The following USP33 variants were observed in gnomAD, a reference collection of about 807,000 sequenced individuals.
USP33 encodes ubiquitin carboxyl-terminal hydrolase 33.
Under a neutral mutation model 124.2 loss-of-function variants are expected in USP33, and 46 were observed. The observed-to-expected ratio is 0.37, with a 90% CI of 0.29 to 0.47. USP33 has a LOEUF of 0.47. Among genes scored for constraint, USP33 ranks in the 20% least tolerant of loss-of-function variants. The probability of loss-of-function intolerance (pLI) is 0.99; values close to 1 mark genes in which losing one functional copy is unlikely to be tolerated. For synonymous variants in USP33, 350 were observed against 352.3 expected, an observed-to-expected ratio of 0.99 and a Z score of 0.07; for missense variants, 851 against 1,070.6, an observed-to-expected ratio of 0.79 and a Z score of 2.86.
At chr1:77,756,184 TCTC>T (rs1014774287) in intron 1 of USP33, among the ~76,000 whole-genome samples, 40 of 152,142 alleles carry the variant, frequency 2.6e-4, no homozygotes, top group African/African-American at 8.7e-4. Context: ...CTCAAGCAAA[TCTC>T]CTGTTTCAGC....
chr1:77,737,450 G>GA (rs1008762511), intron 5 of USP33, among the ~76,000 whole-genome samples: 5 of 152,116 alleles, frequency 3.3e-5, no homozygotes, highest in African/African-American at 1.2e-4. Flanking sequence ...TTACTATCTA[G>GA]AAAAAATGTC....
At chr1:77,739,054 A>G (rs533316019) in intron 5 of USP33, among the ~76,000 whole-genome samples, 1 of 152,308 alleles carries the variant, frequency 6.6e-6, no homozygotes, top group Admixed American at 6.5e-5. Flanking sequence ...ATCTTCAAAC[A>G]GGTGGGCTTC....
chr1:77,739,709 A>G (rs947562000), intron 4 of USP33, among the ~76,000 whole-genome samples: 3 of 152,254 alleles, frequency 2.0e-5, no homozygotes, highest in Non-Finnish European at 2.9e-5. Context: ...ACAAATAAAT[A>G]TAACACAAGA....
chr1:77,743,173 G>A (rs557822004), intron 1 of USP33, among the ~76,000 whole-genome samples: 59 of 151,962 alleles, frequency 3.9e-4, no homozygotes, highest in African/African-American at 8.0e-4. Flanking sequence ...TCGAACTCCC[G>A]ACCTCAGGTG....
rs1174875097 is a variant in USP33 at position 77,722,137 on chromosome 1, G to A, written c.1449C>T (p.Asp483=). 3 of 1,613,838 alleles carry A rather than the reference G, an allele frequency of 1.9e-6. No homozygotes were observed. The highest frequency in any genetic ancestry group is 2.5e-6 in the Non-Finnish European group (3 of 1,179,926). ...GACTTGATGAATGCAGCTTAGCAAG[G>A]TCTTCCTTGCCAGGAATTGGCAAGG... is the stretch of plus-strand genomic sequence containing the variant. ...DLSLPIPGKE[D]LAKLHSSSHP... Residue 483 remains aspartate, a synonymous_variant, in exon 13 of 24, where the codon GAC becomes GAT. Coordinates refer to ENST00000370794, the MANE Select transcript of USP33 (RefSeq NM_201624.3).
intron 13 of USP33, 32 bp downstream of exon 13, chr1:77,721,992 A>C: frequency 6.2e-7 from 1 of 1,605,514 alleles, no homozygotes; most frequent in Non-Finnish European, 8.5e-7. Flanking sequence ...CAGGTTTAAC[A>C]ATCATGTAAT....
chr1:77,711,899 T>C (rs1675305690), intron 20 of USP33, 44 bp from the exon 21 acceptor site: 2 of 1,555,264 alleles, frequency 1.3e-6, no homozygotes, highest in Non-Finnish European at 1.7e-6. Flanking sequence ...AGGAAGTTTG[T>C]TTCTAACATT....
At position 77,718,599 on chromosome 1, in the gene USP33, A is replaced by G. The variant is rs144228665; in HGVS notation, c.1734T>C (p.Pro578=). The change falls in exon 16 of 24, where the codon CCT becomes CCC. Residue 578 remains proline (P), a synonymous_variant. Coordinates refer to ENST00000370794, the MANE Select transcript of USP33 (RefSeq NM_201624.3). ...TGAATTAAAATAATGCCCATACCTC[A>G]GGAAAGTTTTGTACTTTACAAAACT... ...GVKFCKVQNF[P]EILCIHLKRF... 1.7e-5 allele frequency: 27 copies of G among 1,605,406 alleles called. No homozygotes were observed. The highest frequency in any genetic ancestry group is 1.4e-5 in the Non-Finnish European group (17 of 1,173,526).
At chr1:77,732,017 A>C (rs2101484988) in intron 7 of USP33, among the ~76,000 whole-genome samples, 1 of 151,306 alleles carries the variant, frequency 6.6e-6, no homozygotes, top group African/African-American at 2.4e-5. Context: ...GGCAGGAAGA[A>C]CCCTTGAACC....
At position 77,728,479 on chromosome 1, in the gene USP33, CATT is replaced by C. The variant is rs1557844568; in HGVS notation, c.948_950del (p.Met317del). 6.2e-7 allele frequency: 1 copy of C among 1,614,034 alleles called. No individual in the cohort carries two copies. The highest frequency in any genetic ancestry group is 1.1e-5 in the South Asian group (1 of 91,084). On this transcript the variant is annotated inframe_deletion, in exon 10 of 24. Coordinates refer to ENST00000370794, the MANE Select transcript of USP33 (RefSeq NM_201624.3). ...AATTGTTTTCATCATCCTGAATTAA[CATT>C]GTTGTTTCATTATTATCTTCAGAAA...
intron 1 of USP33, among the ~76,000 whole-genome samples, chr1:77,755,617 G>C (rs1422297676): frequency 6.6e-6 from 1 of 152,232 alleles, no homozygotes; most frequent in African/African-American, 2.4e-5. Context: ...AGAACTGCTT[G>C]AACGCAGGAG....
rs190078319 is a variant in USP33 at position 77,723,078 on chromosome 1, A to G, written c.1389+253T>C. On this transcript the variant is annotated intron_variant, in intron 12 of 23. Coordinates refer to ENST00000370794, the MANE Select transcript of USP33 (RefSeq NM_201624.3). ...TTGCTGAGCAACTTCTCACCTTTAT[A>G]TGTAACCAAAATAGATGACGAAGGA... 7.9e-5 allele frequency among the ~76,000 whole-genome samples: 12 copies of G among 152,300 alleles called. No individual in the cohort carries two copies. The East Asian group carries it at 2.3e-3, about 29-fold the overall frequency.
Position 77,718,555 on chromosome 1 carries a change from C to A in USP33, c.1737+41G>T, listed in dbSNP as rs773653429. ...TTTTGTTACATTAATACTTTATGTT[C>A]CTACCACACAATATAAGTTGAATTA... is the stretch of plus-strand genomic sequence containing the variant. On this transcript the variant is annotated intron_variant, in intron 16 of 23. Coordinates refer to ENST00000370794, the MANE Select transcript of USP33 (RefSeq NM_201624.3). The A allele has an allele frequency of 4.1e-6, 6 of 1,460,114 alleles. No homozygotes were observed. The South Asian group carries it at 7.2e-5, about 18-fold the overall frequency. 90.4% of individuals were successfully genotyped at this position (1,460,114 alleles called of 1,614,324 possible).
At chr1:77,714,548 TCTC>T in intron 19 of USP33, 63 bp downstream of exon 19, 1 of 1,523,156 alleles carries the variant, frequency 6.6e-7, no homozygotes, top group East Asian at 2.3e-5. Flanking sequence ...AATTCTTGGC[TCTC>T]CTAATTTGCA....
intron 12 of USP33, 45 bp downstream of exon 12, chr1:77,723,286 C>A (rs761490158): frequency 2.2e-6 from 3 of 1,383,148 alleles, no homozygotes; most frequent in South Asian, 1.2e-5. Context: ...TTTTAAAAAT[C>A]ATTTGACACG....
chr1:77,734,975 T>A (rs1294679483), intron 6 of USP33, among the ~76,000 whole-genome samples: 12 of 151,862 alleles, frequency 7.9e-5, no homozygotes, highest in Non-Finnish European at 2.9e-5. Context: ...TACAAAAAAT[T>A]TGCCGGGCAT....
In USP33 at chr1:77,697,322, A is replaced by C; in HGVS notation, c.2731T>G (p.Leu911Val). 2 of 1,597,912 alleles carry C rather than the reference A, an allele frequency of 1.3e-6. No individual in the cohort carries two copies. Among genetic ancestry groups the C allele is most frequent in the Non-Finnish European group, 1.7e-6 (2 of 1,174,844 alleles). ...EEKIEVETRS[L>V] ...AACTCTCTACATCCTAAAAATTACA[A>C]AGACCGAGTTTCTACTTCAATTTTT... The change falls in exon 24 of 24, where the codon TTG (leucine) becomes GTG (valine). Residue 911 changes from leucine to valine, a missense_variant. By Grantham distance (32) the Leu-to-Val change is conservative (BLOSUM62 1). This residue lies in a region of USP33 where 142 missense variants were observed against 141.8 expected (regional missense o/e 1.00). Transcript: ENST00000370794.
At chr1:77,717,760 C>T (rs761770018) in intron 17 of USP33, 107 bp downstream of exon 17, 39 of 1,014,546 alleles carry the variant, frequency 3.8e-5, no homozygotes, top group Non-Finnish European at 4.8e-5. Context: ...GTGATTCTCC[C>T]ACCTCATTCT....
At chr1:77,716,598 C>A (rs1023446430) in intron 17 of USP33, among the ~76,000 whole-genome samples, 5 of 152,120 alleles carry the variant, frequency 3.3e-5, no homozygotes, top group Non-Finnish European at 5.9e-5. Context: ...GCAAACCTCC[C>A]CAGTAGAAAG....
Sources: allele counts gnomAD v4.1 joint callset (sites outside exome capture counted in the v4.1 genomes callset), GRCh38; gene constraint gnomAD v4.1.1; regional missense constraint gnomAD v4.1.1; transcripts MANE v1.5; gene names NCBI Gene and HGNC (gene_info 2026-07-23, HGNC 2026-07-21).